Variants in HDAC9 observed in about 807,000 individuals in gnomAD.
The protein encoded by HDAC9 is histone deacetylase 9.
Under a neutral mutation model 139.4 loss-of-function variants are expected in HDAC9, and 41 were observed. The ratio of observed to expected loss-of-function variants is 0.29; its 90% confidence interval spans 0.23 to 0.38. The LOEUF (loss-of-function observed/expected upper bound fraction) is 0.38, where lower values mean the gene tolerates loss of function less well. Among genes scored for constraint, HDAC9 ranks in the 10% least tolerant of loss-of-function variants. HDAC9 has a pLI of 1.00. For missense variants in HDAC9, 1,147 were observed against 1,297.0 expected, an observed-to-expected ratio of 0.88 and a Z score of 1.78; for synonymous variants, 517 against 476.2, an observed-to-expected ratio of 1.09 and a Z score of -1.12.
At chr7:18,094,345 T>A (rs1359499097) in intron 1 of HDAC9, among the ~76,000 whole-genome samples, 1 of 152,160 alleles carries the variant, frequency 6.6e-6, no homozygotes, top group African/African-American at 2.4e-5. Context: ...TTTCCTAAAC[T>A]AGATTAGGCC....
intron 12 of HDAC9, among the ~76,000 whole-genome samples, chr7:18,701,941 A>ACAT (rs1783523035): frequency 6.6e-6 from 1 of 152,240 alleles, no homozygotes; most frequent in South Asian, 2.1e-4. Context: ...CATAGGGATG[A>ACAT]CATAGAGTCA....
In HDAC9 at chr7:18,440,792, CACA is replaced by C. The variant is rs560398155; in HGVS notation, c.-41-55465_-41-55463del. On this transcript the variant is annotated intron_variant, in intron 1 of 3. Coordinates refer to the HDAC9 transcript ENST00000413509. ...CACTTTGTTTGCCATAATAAACAAACACAACAAGACATGTAAAACTCAGGAATT... is the reference window on the plus strand; with the variant it reads ...CACTTTGTTTGCCATAATAAACAAACACAAGACATGTAAAACTCAGGAATT... 1.3e-4 allele frequency among the ~76,000 whole-genome samples: 20 copies of C among 152,268 alleles called. No homozygotes were observed. In the East Asian group the frequency reaches 2.9e-3, roughly 22 times the overall value.
intron 17 of HDAC9, among the ~76,000 whole-genome samples, chr7:18,802,806 A>G (rs1727245957): frequency 6.6e-6 from 1 of 151,688 alleles, no homozygotes; most frequent in African/African-American, 2.4e-5. Context: ...TATAGCAAAA[A>G]CAGCTTTTTT....
intron 19 of HDAC9, 23 bp from the exon 20 acceptor site, chr7:18,835,444 C>T (rs1166445551): frequency 6.2e-6 from 10 of 1,603,332 alleles, no homozygotes; most frequent in African/African-American, 5.4e-5. Context: ...CTGTATTTGT[C>T]GTCTGTTTTC....
At chr7:18,396,963 C>A (rs1309186024) in intron 1 of HDAC9, among the ~76,000 whole-genome samples, 1 of 151,822 alleles carries the variant, frequency 6.6e-6, no homozygotes, top group Non-Finnish European at 1.5e-5. Context: ...CTCCCAATAC[C>A]GATTGCTCCC....
At chr7:18,744,565 A>G (rs1416101732) in intron 13 of HDAC9, among the ~76,000 whole-genome samples, 1 of 152,178 alleles carries the variant, frequency 6.6e-6, no homozygotes, top group Non-Finnish European at 1.5e-5. Flanking sequence ...CAGGATCAAT[A>G]ATTTTAGTCC....
At chr7:18,634,439 C>G (rs986815196) in intron 7 of HDAC9, among the ~76,000 whole-genome samples, 188 bp from the exon 8 acceptor site, 4 of 150,764 alleles carry the variant, frequency 2.7e-5, no homozygotes, top group African/African-American at 9.8e-5. Context: ...GCCATGAAAA[C>G]AAAGGAGGAA....
chr7:18,919,699 T>C (rs1488251255), intron 22 of HDAC9, among the ~76,000 whole-genome samples: 2 of 152,034 alleles, frequency 1.3e-5, no homozygotes, highest in Non-Finnish European at 2.9e-5. Flanking sequence ...TTCATGGAAG[T>C]CCTAGACCTG....
At chr7:18,241,154 TACTTTC>T (rs2128189956) in intron 2 of HDAC9, among the ~76,000 whole-genome samples, 1 of 152,322 alleles carries the variant, frequency 6.6e-6, no homozygotes, top group Non-Finnish European at 1.5e-5. Flanking sequence ...AAAATACAAA[TACTTTC>T]ACTTAAGTTA....
At chr7:18,245,767 C>T (rs1268089065) in intron 2 of HDAC9, among the ~76,000 whole-genome samples, 1 of 152,138 alleles carries the variant, frequency 6.6e-6, no homozygotes, top group East Asian at 1.9e-4. Context: ...TCCACAAAGT[C>T]CCTCCTGTAC....
At chr7:18,926,906 T>C (rs538484804) in intron 22 of HDAC9, among the ~76,000 whole-genome samples, 1 of 152,288 alleles carries the variant, frequency 6.6e-6, no homozygotes, top group Non-Finnish European at 1.5e-5. Context: ...CTTTAAAACA[T>C]ATGCAGTATT....
At chr7:18,964,833 C>A (rs541230128) in intron 24 of HDAC9, among the ~76,000 whole-genome samples, 2 of 152,196 alleles carry the variant, frequency 1.3e-5, no homozygotes, top group Non-Finnish European at 2.9e-5. Context: ...CACCTCCCAC[C>A]AGGTCTCTCC....
intron 7 of HDAC9, among the ~76,000 whole-genome samples, chr7:18,634,359 C>G (rs1397232475): frequency 6.6e-6 from 1 of 150,516 alleles, no homozygotes; most frequent in Non-Finnish European, 1.5e-5. Flanking sequence ...TCATTCAAAG[C>G]TCCTGTGACC....
chr7:18,140,788 T>G (rs1785843988), intron 1 of HDAC9, among the ~76,000 whole-genome samples: 2 of 152,090 alleles, frequency 1.3e-5, no homozygotes, highest in African/African-American at 4.8e-5. Context: ...ATATATATAT[T>G]CTGTTTTTTA....
At chr7:18,657,186 C>T (rs945500924) in intron 11 of HDAC9, among the ~76,000 whole-genome samples, 2 of 151,964 alleles carry the variant, frequency 1.3e-5, no homozygotes, top group Non-Finnish European at 2.9e-5. Flanking sequence ...AATCTCTTGT[C>T]AGAGGGGTAA....
At chr7:18,597,208 G>A (rs1207166175) in intron 6 of HDAC9, among the ~76,000 whole-genome samples, 2 of 152,072 alleles carry the variant, frequency 1.3e-5, no homozygotes, top group East Asian at 3.8e-4. Flanking sequence ...TCTTTAAAAT[G>A]TAAGAATGGA....
chr7:18,791,774 C>A (rs1440527035), intron 16 of HDAC9, among the ~76,000 whole-genome samples: 1 of 152,108 alleles, frequency 6.6e-6, no homozygotes, highest in Non-Finnish European at 1.5e-5. Context: ...ACACGTAGGC[C>A]TCTACTATGT....
chr7:18,933,618 C>T (rs1230520340), intron 22 of HDAC9, among the ~76,000 whole-genome samples: 1 of 139,214 alleles, frequency 7.2e-6, no homozygotes, highest in Non-Finnish European at 1.5e-5. Flanking sequence ...TCAAAGTACT[C>T]CACAAATTAA....
intron 1 of HDAC9, among the ~76,000 whole-genome samples, chr7:18,361,334 A>G (rs1488375864): frequency 6.6e-6 from 1 of 152,138 alleles, no homozygotes; most frequent in African/African-American, 2.4e-5. Flanking sequence ...TGGTGATGAA[A>G]GCCTCTTATC....
Sources: allele counts gnomAD v4.1 joint callset (sites outside exome capture counted in the v4.1 genomes callset), GRCh38; gene constraint gnomAD v4.1.1; transcripts MANE v1.5; gene names NCBI Gene and HGNC (gene_info 2026-07-23, HGNC 2026-07-21).